Variants in DPY19L2 observed in about 807,000 individuals in gnomAD.
The protein encoded by DPY19L2 is probable C-mannosyltransferase DPY19L2.
Under a neutral mutation model 97.9 loss-of-function variants are expected in DPY19L2, and 34 were observed. The ratio of observed to expected loss-of-function variants is 0.35; its 90% CI spans 0.26 to 0.46. The LOEUF is 0.46. Among genes scored for constraint, DPY19L2 ranks in the 20% least tolerant of loss-of-function variants. DPY19L2 has a pLI of 1.00. For missense variants in DPY19L2, 623 were observed against 911.4 expected (o/e 0.68, Z 4.07); for synonymous variants, 230 against 307.9 (o/e 0.75, Z 2.65).
chr12:63,603,481 G>A (rs1380598878), intron 12 of DPY19L2, among the ~76,000 whole-genome samples: 2 of 152,066 alleles, frequency 1.3e-5, no homozygotes, highest in Non-Finnish European at 2.9e-5. Flanking sequence ...TAGGTATTAA[G>A]CCCAGCATTC....
intron 6 of DPY19L2, among the ~76,000 whole-genome samples, chr12:63,632,630 C>T (rs1298810454): frequency 6.6e-6 from 1 of 152,064 alleles, no homozygotes; most frequent in Non-Finnish European, 1.5e-5. Context: ...GTGAAAATGG[C>T]CATACTGCCC....
In DPY19L2 at chr12:63,580,765, T is replaced by C. The variant is rs759171558; in HGVS notation, c.1797A>G (p.Ile599Met). ...GATTACGGAGGTTTGCATAACCTTGTATTGACATCACTGTTAAAATGCCAA... is the reference window on the plus strand; with the variant it reads ...GATTACGGAGGTTTGCATAACCTTGCATTGACATCACTGTTAAAATGCCAA... The part of the protein sequence containing the change: ...VIFGILTVMS[I>M]QGYANLRNQW... The change falls in exon 19 of 22, where the codon ATA (isoleucine) becomes ATG (methionine). Residue 599 changes from isoleucine to methionine, a missense_variant. This residue lies in a region of DPY19L2 where 294 missense variants were observed against 446.2 expected (regional missense o/e 0.66). Coordinates refer to ENST00000324472, the MANE Select transcript of DPY19L2 (RefSeq NM_173812.5). The C allele has an allele frequency of 6.2e-7, 1 of 1,613,664 alleles. No individual in the cohort carries two copies. The highest frequency in any genetic ancestry group is 2.2e-5 in the East Asian group (1 of 44,864).
chr12:63,668,618 C>G, upstream of DPY19L2: 2 of 548,706 alleles, frequency 3.6e-6, no homozygotes, highest in East Asian at 3.1e-5. Flanking sequence ...CTCCCCAGCG[C>G]GAGCAGCACC....
At chr12:63,660,491 A>G (rs1895535568) in intron 4 of DPY19L2, among the ~76,000 whole-genome samples, 1 of 152,062 alleles carries the variant, frequency 6.6e-6, no homozygotes, top group Non-Finnish European at 1.5e-5. Flanking sequence ...TAATAAAGGT[A>G]TAAGTTGGAC....
chr12:63,668,691 C>G (rs1287758716), upstream of DPY19L2: 6 of 391,008 alleles, frequency 1.5e-5, no homozygotes, highest in Non-Finnish European at 2.8e-5. Context: ...CACAGCCCCC[C>G]ACACCCTCCC....
chr12:63,562,010 A>G (rs555011551), intron 21 of DPY19L2, among the ~76,000 whole-genome samples: 1 of 152,292 alleles, frequency 6.6e-6, no homozygotes, highest in South Asian at 2.1e-4. Flanking sequence ...ATTTCTATTC[A>G]AATATTGTGC....
intron 9 of DPY19L2, among the ~76,000 whole-genome samples, chr12:63,620,423 C>A (rs1022280976): frequency 3.3e-5 from 5 of 151,932 alleles, no homozygotes; most frequent in African/African-American, 1.2e-4. Flanking sequence ...AGAATGATTC[C>A]CAGGACAAAA....
rs888824532 is a variant in DPY19L2 at position 63,665,816 on chromosome 12, A to G, written c.362+19T>C. On this transcript the variant is annotated intron_variant, in intron 2 of 21. Transcript: ENST00000324472. ...AATTCAAATGTTTTTAAATATTTCA[A>G]ACTGAAACTAAATCTTACCAATGTA... is the stretch of plus-strand genomic sequence containing the variant. 5.7e-6 allele frequency: 9 copies of G among 1,566,732 alleles called. No individual in the cohort carries two copies. The African/African-American group carries it at 1.2e-4, about 21-fold the overall frequency.
chr12:63,629,447 A>C (rs1347864417), intron 6 of DPY19L2, among the ~76,000 whole-genome samples: 1 of 152,204 alleles, frequency 6.6e-6, no homozygotes, highest in Non-Finnish European at 1.5e-5. Flanking sequence ...AATTCGATCA[A>C]CTGGAAGAAA....
At chr12:63,591,182 C>T (rs1882842551) in intron 16 of DPY19L2, 1 of 448,696 alleles carries the variant, frequency 2.2e-6, no homozygotes, top group African/African-American at 2.0e-5. Flanking sequence ...ACAATTTCAA[C>T]AGATGCACCT....
intron 11 of DPY19L2, among the ~76,000 whole-genome samples, chr12:63,616,816 A>G (rs1887917051): frequency 6.6e-6 from 1 of 152,164 alleles, no homozygotes; most frequent in African/African-American, 2.4e-5. Flanking sequence ...CCATCGTTTG[A>G]GCAAGATCTG....
At chr12:63,600,778 C>A (rs1436423819) in intron 12 of DPY19L2, among the ~76,000 whole-genome samples, 1 of 150,898 alleles carries the variant, frequency 6.6e-6, no homozygotes, top group Non-Finnish European at 1.5e-5. Flanking sequence ...TATCCTAAAT[C>A]TAAAGGAAGT....
intron 21 of DPY19L2, among the ~76,000 whole-genome samples, chr12:63,564,568 T>A (rs1216827386): frequency 6.6e-6 from 1 of 152,182 alleles, no homozygotes; most frequent in African/African-American, 2.4e-5. Context: ...GATTTCTAAT[T>A]TAATTTCATT....
At chr12:63,572,110 C>A (rs1043071236) in intron 19 of DPY19L2, among the ~76,000 whole-genome samples, 2 of 152,156 alleles carry the variant, frequency 1.3e-5, no homozygotes, top group Non-Finnish European at 2.9e-5. Flanking sequence ...CAGCACCAAG[C>A]AGGCTCTTGT....
chr12:63,616,908 A>G (rs1000991468), intron 11 of DPY19L2, among the ~76,000 whole-genome samples: 1 of 152,194 alleles, frequency 6.6e-6, no homozygotes, highest in Non-Finnish European at 1.5e-5. Context: ...AAGGCAAGAC[A>G]TACTAAAGAA....
intron 7 of DPY19L2, among the ~76,000 whole-genome samples, chr12:63,624,388 T>C (rs537632385): frequency 4.6e-5 from 7 of 151,990 alleles, no homozygotes; most frequent in African/African-American, 7.2e-5. Context: ...ACAAACAAGA[T>C]TGTACGTATA....
intron 6 of DPY19L2, among the ~76,000 whole-genome samples, chr12:63,634,588 C>G (rs1332085103): frequency 6.6e-6 from 1 of 152,154 alleles, no homozygotes; most frequent in Non-Finnish European, 1.5e-5. Flanking sequence ...CACCCTAATA[C>G]GGCACTTTTC....
intron 19 of DPY19L2, among the ~76,000 whole-genome samples, chr12:63,578,654 T>C (rs1239920792): frequency 2.6e-5 from 4 of 152,134 alleles, no homozygotes; most frequent in Non-Finnish European, 2.9e-5. Flanking sequence ...TAACTAAGCA[T>C]TCTAAGTGCA....
At chr12:63,663,703 C>G (rs1278407022) in intron 3 of DPY19L2, 55 bp downstream of exon 3, 3 of 1,443,358 alleles carry the variant, frequency 2.1e-6, no homozygotes, top group Non-Finnish European at 2.9e-6. Context: ...ATTTCTACCT[C>G]ATAGTCTCGC....
Sources: gnomAD v4.1 joint callset for allele counts (sites outside exome capture counted in the v4.1 genomes callset) on GRCh38, gnomAD v4.1.1 for gene constraint, gnomAD v4.1.1 regional missense constraint, MANE v1.5 for transcripts, NCBI Gene and HGNC (gene_info 2026-07-23, HGNC 2026-07-21) for gene names.